CDC42SE2: variants seen among roughly 807,000 people sequenced by gnomAD.
CDC42SE2 encodes CDC42 small effector protein 2.
In CDC42SE2, 3 loss-of-function variants were observed where a neutral mutation model predicts 11.5. The observed-to-expected ratio is 0.26, with a 90% CI of 0.12 to 0.67. CDC42SE2 has a LOEUF of 0.67. Ranked by LOEUF, CDC42SE2 falls within the 30% of genes least tolerant of loss-of-function variation. The pLI is 0.80. For synonymous variants in CDC42SE2, 33 were observed against 34.8 expected (o/e 0.95, Z 0.18); for missense variants, 82 against 106.8 (o/e 0.77, Z 1.02).
Position 131,323,547 on chromosome 5 carries a change from GTTTTTTTTTTTTTT to G in CDC42SE2, c.-286+7416_-286+7429del, listed in dbSNP as rs1171213231. Reference sequence around the variant, plus strand: ...AAGGGATTGTACCTCTCTCTCTCTGGTTTTTTTTTTTTTTTTTTTTTTTTTTGTATTTAAATGTG... The same window carrying G: ...AAGGGATTGTACCTCTCTCTCTCTGGTTTTTTTTTTTTGTATTTAAATGTG... On this transcript the variant is annotated intron_variant, in intron 2 of 4. Coordinates refer to ENST00000505065, the MANE Select transcript of CDC42SE2 (RefSeq NM_001375635.1). Among the ~76,000 whole-genome samples the G allele has an allele frequency of 9.9e-4, 82 of 82,588 alleles. No individual in the cohort carries two copies. The East Asian group carries it at 0.017, about 17-fold the overall frequency. The allele number at this position is 82,588 out of a possible 152,430, so 54.2% of individuals were successfully genotyped here.
At chr5:131,254,737 A>G (rs376236996) in intron 1 of CDC42SE2, among the ~76,000 whole-genome samples, 2 of 152,212 alleles carry the variant, frequency 1.3e-5, no homozygotes, top group South Asian at 4.1e-4. Context: ...ATGTTTTTAA[A>G]GGAAAAGCAA....
chr5:131,364,022 C>T (rs775088135), intron 3 of CDC42SE2, among the ~76,000 whole-genome samples: 10 of 152,012 alleles, frequency 6.6e-5, no homozygotes, highest in Non-Finnish European at 1.5e-4. Flanking sequence ...TGGACATGTA[C>T]GCACTTACAG....
chr5:131,308,052 G>A (rs1227057945), intron 1 of CDC42SE2, among the ~76,000 whole-genome samples: 1 of 152,142 alleles, frequency 6.6e-6, no homozygotes, highest in Non-Finnish European at 1.5e-5. Flanking sequence ...CTTTTGCTGT[G>A]CAGAAGCTCT....
At chr5:131,328,012 A>G (rs910503170) in intron 2 of CDC42SE2, among the ~76,000 whole-genome samples, 2 of 152,180 alleles carry the variant, frequency 1.3e-5, no homozygotes, top group Admixed American at 1.3e-4. Context: ...CTGTGGCAGA[A>G]GGCAGAAGGG....
chr5:131,273,634 G>C (rs181279873), intron 1 of CDC42SE2, among the ~76,000 whole-genome samples: 539 of 151,512 alleles, frequency 3.6e-3, no homozygotes, highest in Non-Finnish European at 6.0e-3. Flanking sequence ...TTAGCCAGGC[G>C]TGGCGGCTGG....
intron 1 of CDC42SE2, among the ~76,000 whole-genome samples, chr5:131,270,690 T>C (rs1561566861): frequency 6.6e-6 from 1 of 152,230 alleles, no homozygotes; most frequent in Non-Finnish European, 1.5e-5. Flanking sequence ...AAGTCACTTT[T>C]AGGTAACAAA....
At chr5:131,286,882 C>T (rs765228259) in intron 1 of CDC42SE2, among the ~76,000 whole-genome samples, 4 of 151,786 alleles carry the variant, frequency 2.6e-5, no homozygotes, top group Non-Finnish European at 5.9e-5. Context: ...AGGCTATTAA[C>T]TTTTGGGAGT....
At chr5:131,261,695 C>T (rs1440384269), upstream of CDC42SE2, 1 of 151,832 alleles carries the variant, frequency 6.6e-6, no homozygotes, top group Admixed American at 6.6e-5. Flanking sequence ...ACCAAAAACA[C>T]AAAAATTAGC....
chr5:131,222,681 G>T, the CDC42SE2 span, among the ~76,000 whole-genome samples: 1 of 152,190 alleles, frequency 6.6e-6, no homozygotes, highest in South Asian at 2.1e-4. Context: ...GCCTCAGATG[G>T]CACACTATCT....
At chr5:131,348,282 G>A (rs1017212997) in intron 2 of CDC42SE2, among the ~76,000 whole-genome samples, 20 of 152,174 alleles carry the variant, frequency 1.3e-4, no homozygotes, top group African/African-American at 4.8e-4. Flanking sequence ...AAGCTGATAA[G>A]CAACTTCAGC....
intron 1 of CDC42SE2, among the ~76,000 whole-genome samples, chr5:131,303,869 C>A (rs1757730713): frequency 1.3e-5 from 2 of 152,014 alleles, no homozygotes. Context: ...TTCTTGTCTT[C>A]ATAGCAATAT....
chr5:131,337,214 G>A (rs1486836401), intron 2 of CDC42SE2, among the ~76,000 whole-genome samples: 2 of 152,174 alleles, frequency 1.3e-5, no homozygotes, highest in Non-Finnish European at 2.9e-5. Flanking sequence ...CAGGTCTTTT[G>A]GAGTTTACTG....
chr5:131,376,224 T>TGA (rs10674459), intron 3 of CDC42SE2, among the ~76,000 whole-genome samples: 63,912 of 150,882 alleles, frequency 0.42, 17,462 homozygotes, highest in African/African-American at 0.78. Context: ...GGGTGACGAA[T>TGA]GACTCTTGTC....
chr5:131,318,675 A>G (rs1260716337), intron 2 of CDC42SE2, among the ~76,000 whole-genome samples: 1 of 152,128 alleles, frequency 6.6e-6, no homozygotes, highest in Non-Finnish European at 1.5e-5. Flanking sequence ...AAGCTGCTGT[A>G]CCTCTAGACT....
the CDC42SE2 span, among the ~76,000 whole-genome samples, chr5:131,236,661 A>T: frequency 6.6e-6 from 1 of 152,184 alleles, no homozygotes; most frequent in East Asian, 1.9e-4. Flanking sequence ...TCCTGACTTC[A>T]AGTGATCTGC....
chr5:131,221,824 T>C, the CDC42SE2 span, among the ~76,000 whole-genome samples: 1 of 152,224 alleles, frequency 6.6e-6, no homozygotes, highest in Non-Finnish European at 1.5e-5. Flanking sequence ...TACAGCAGTT[T>C]TTCCTCTCCC....
At position 131,394,084 on chromosome 5, in the gene CDC42SE2, C is replaced by CTT. The variant is rs1750774153; in HGVS notation, c.*2996_*2997dup. 2 of 152,272 alleles carry CTT rather than the reference C, an allele frequency of 1.3e-5. No individual in the cohort carries two copies. The highest frequency in any genetic ancestry group is 4.8e-5 in the African/African-American group (2 of 41,420). The allele number at this position is 152,272 out of a possible 1,614,324, so 9.4% of individuals were successfully genotyped here. A position where few individuals can be genotyped will look rare whatever the true frequency, so the allele number is the denominator to read the frequency against. On this transcript the variant is annotated 3_prime_UTR_variant, in exon 5 of 5. Coordinates refer to ENST00000505065, the MANE Select transcript of CDC42SE2 (RefSeq NM_001375635.1). ...TTTTTTTAGGGAGGCAGCTTTCCCA[C>CTT]TTTTATAAAGGGGGTTGTAAATCTC...
chr5:131,347,570 A>G (rs1311841582), intron 2 of CDC42SE2, among the ~76,000 whole-genome samples: 1 of 152,368 alleles, frequency 6.6e-6, no homozygotes, highest in East Asian at 1.9e-4. Flanking sequence ...TACCAGAGGT[A>G]CAAAGAGGAG....
At chr5:131,223,760 A>G in the CDC42SE2 span, among the ~76,000 whole-genome samples, 1 of 152,206 alleles carries the variant, frequency 6.6e-6, no homozygotes, top group Non-Finnish European at 1.5e-5. Flanking sequence ...TCTACTGCCC[A>G]ATTTTTTAAT....
Sources: gnomAD v4.1 joint callset for allele counts (sites outside exome capture counted in the v4.1 genomes callset) on GRCh38, gnomAD v4.1.1 for gene constraint, MANE v1.5 for transcripts, NCBI Gene and HGNC (gene_info 2026-07-23, HGNC 2026-07-21) for gene names.